Variants in DCTN4 observed in about 807,000 individuals in gnomAD.
The protein encoded by DCTN4 is dynactin 4 (p62).
DCTN4 carries 23 observed loss-of-function variants against 62.7 expected under a neutral mutation model. The observed-to-expected ratio is 0.37, with a 90% CI of 0.26 to 0.52. The LOEUF is 0.52. Ranked by LOEUF, DCTN4 falls within the 20% of genes least tolerant of loss-of-function variation. The pLI, the probability that DCTN4 is intolerant of heterozygous loss-of-function variation, is 0.92. For missense variants in DCTN4, 514 were observed against 580.4 expected (o/e 0.89, Z 1.18); for synonymous variants, 199 against 202.1 (o/e 0.98, Z 0.13).
At chr5:150,736,791 C>T (rs1168228009) in intron 4 of DCTN4, among the ~76,000 whole-genome samples, 1 of 152,064 alleles carries the variant, frequency 6.6e-6, no homozygotes, top group Non-Finnish European at 1.5e-5. Flanking sequence ...TGTAAATGGC[C>T]TAAATGCTCC....
intron 4 of DCTN4, among the ~76,000 whole-genome samples, chr5:150,739,269 G>A: frequency 6.6e-6 from 1 of 151,444 alleles, no homozygotes. Context: ...TACACCAACA[G>A]TGACCAAGCT....
In DCTN4 at chr5:150,718,405, T is replaced by C. The variant is rs548396682; in HGVS notation, c.964-22A>G. 41 of 1,558,800 alleles carry C rather than the reference T, an allele frequency of 2.6e-5. No individual in the cohort carries two copies. The African/African-American group carries it at 5.3e-4, about 20-fold the overall frequency. ...TCTCCTGGTGAATAGGAAACACATC[T>C]CTCAGACATTCGCCACTTTCTTAGC... On this transcript the variant is annotated intron_variant, in intron 10 of 12. Coordinates refer to ENST00000447998, the MANE Select transcript of DCTN4 (RefSeq NM_016221.4).
intron 3 of DCTN4, among the ~76,000 whole-genome samples, chr5:150,750,136 T>A (rs1177779642): frequency 6.6e-6 from 1 of 152,202 alleles, no homozygotes; most frequent in Non-Finnish European, 1.5e-5. Flanking sequence ...ATGTTGTGTA[T>A]CATGATTATG....
At chr5:150,740,894 CAG>C (rs1043542767) in intron 4 of DCTN4, among the ~76,000 whole-genome samples, 3 of 152,082 alleles carry the variant, frequency 2.0e-5, no homozygotes, top group South Asian at 2.1e-4. Context: ...TTTGCGGACT[CAG>C]GGGGAAAGCT....
At chr5:150,742,049 G>A in intron 4 of DCTN4, 65 bp downstream of exon 4, 2 of 1,402,988 alleles carry the variant, frequency 1.4e-6, no homozygotes, top group Non-Finnish European at 2.0e-6. Flanking sequence ...TAAAATGCAA[G>A]ATCTTCAGTC....
At chr5:150,753,740 T>C (rs1288956588) in intron 2 of DCTN4, 83 bp from the exon 3 acceptor site, 1 of 1,401,078 alleles carries the variant, frequency 7.1e-7, no homozygotes, top group Non-Finnish European at 9.6e-7. Context: ...GACAAGTGTC[T>C]CTCAAGAAAA....
rs754641920 is a variant in DCTN4 at position 150,741,164 on chromosome 5, C to CAAAAAAAAAAAA, written c.429+938_429+949dup. ...TGGGTGACAGAGTGAGATCCTGTCT[C>CAAAAAAAAAAAA]AAAAAAAAAAAAAAAAAAAAAGTTC... On this transcript the variant is annotated intron_variant, in intron 4 of 12. Transcript: ENST00000447998. 1.8e-3 allele frequency among the ~76,000 whole-genome samples: 104 copies of CAAAAAAAAAAAA among 58,340 alleles called. 1 individual carries two copies. Among genetic ancestry groups the CAAAAAAAAAAAA allele is most frequent in the Middle Eastern group, 0.019 (2 of 106 alleles). 38.3% of individuals were successfully genotyped at this position (58,340 alleles called of 152,430 possible). A position where few individuals can be genotyped will look rare whatever the true frequency, so the allele number is the denominator to read the frequency against.
intron 3 of DCTN4, among the ~76,000 whole-genome samples, chr5:150,753,179 T>C (rs1176246854): frequency 2.6e-5 from 4 of 152,240 alleles, no homozygotes; most frequent in African/African-American, 9.6e-5. Context: ...CTTTTAGTTT[T>C]ATCCATGATG....
chr5:150,720,809 T>C (rs901985692), intron 9 of DCTN4, among the ~76,000 whole-genome samples: 1 of 152,180 alleles, frequency 6.6e-6, no homozygotes, highest in Non-Finnish European at 1.5e-5. Flanking sequence ...AGCCAGGCAA[T>C]TCTAAAATGA....
At chr5:150,715,072 T>G (rs780640169) in intron 12 of DCTN4, among the ~76,000 whole-genome samples, 19 of 151,938 alleles carry the variant, frequency 1.3e-4, no homozygotes, top group Non-Finnish European at 2.4e-4. Context: ...GACTGAATTC[T>G]CTGATGGTCA....
In DCTN4 at chr5:150,758,844, G is replaced by A. The variant is rs1405862137; in HGVS notation, c.135+15C>T. ...CCCCCCACCCCACATACTCGCTATA[G>A]GGCGACTCTGTTACCTCGTGAGACA... On this transcript the variant is annotated intron_variant, in intron 1 of 12. Transcript: ENST00000447998. 3.1e-6 allele frequency: 5 copies of A among 1,613,290 alleles called. No individual in the cohort carries two copies. In the African/African-American group the frequency reaches 5.3e-5, roughly 17 times the overall value.
At position 150,719,759 on chromosome 5, in the gene DCTN4, G is replaced by T; in HGVS notation, c.920C>A (p.Pro307Gln). 6.2e-7 allele frequency: 1 copy of T among 1,607,124 alleles called. No homozygotes were observed. The highest frequency in any genetic ancestry group is 8.5e-7 in the Non-Finnish European group (1 of 1,174,858). Residue 307 changes from proline to glutamine, a missense_variant, in exon 10 of 13, where the codon CCA (proline) becomes CAA (glutamine). Coordinates refer to ENST00000447998, the MANE Select transcript of DCTN4 (RefSeq NM_016221.4). ...KIQLVAVNYIPEVRIMSIPNL... is the reference protein window; with the variant it reads ...KIQLVAVNYIQEVRIMSIPNL... ...GGGAATTGACATGATTCTCACTTCT[G>T]GAATATAATTGCTGTGCATAAATAA...
chr5:150,733,478 GT>G lies in DCTN4; in HGVS notation c.430-4del. On this transcript the variant is annotated splice_region_variant and splice_polypyrimidine_tract_variant and intron_variant, in intron 4 of 12. Coordinates refer to ENST00000447998, the MANE Select transcript of DCTN4 (RefSeq NM_016221.4). ...TAATATTCAATCAATTTGTTCATCTGTAAGAAAATCACAGACTCAGTACACA... is the reference window on the plus strand; with the variant it reads ...TAATATTCAATCAATTTGTTCATCTGAAGAAAATCACAGACTCAGTACACA... 6.2e-7 allele frequency: 1 copy of G among 1,611,126 alleles called. No individual in the cohort carries two copies. Among genetic ancestry groups the G allele is most frequent in the Non-Finnish European group, 8.5e-7 (1 of 1,177,932 alleles).
At position 150,710,876 on chromosome 5, in the gene DCTN4, T is replaced by A; in HGVS notation, c.*273A>T. ...CCATTCCAAGGAACACCCATCCCCT[T>A]TCCTAGGATGGAATTATGCTGCTGT... On this transcript the variant is annotated 3_prime_UTR_variant, in exon 13 of 13. Coordinates refer to ENST00000447998, the MANE Select transcript of DCTN4 (RefSeq NM_016221.4). The A allele has an allele frequency of 2.2e-6, 1 of 449,372 alleles. No homozygotes were observed. The highest frequency in any genetic ancestry group is 4.1e-6 in the Non-Finnish European group (1 of 243,334). The allele number at this position is 449,372 out of a possible 1,614,324, so 27.8% of individuals were successfully genotyped here. A position where few individuals can be genotyped will look rare whatever the true frequency, so the allele number is the denominator to read the frequency against.
At chr5:150,735,377 G>A (rs1323206658) in intron 4 of DCTN4, among the ~76,000 whole-genome samples, 3 of 152,286 alleles carry the variant, frequency 2.0e-5, no homozygotes, top group East Asian at 1.9e-4. Flanking sequence ...ACTAGCATAC[G>A]AAACCAAACT....
At chr5:150,752,441 C>CTT (rs1486777097) in intron 3 of DCTN4, among the ~76,000 whole-genome samples, 5 of 152,086 alleles carry the variant, frequency 3.3e-5, no homozygotes, top group Admixed American at 2.0e-4. Context: ...AGTTTTTGAG[C>CTT]ACATGTTTGA....
intron 11 of DCTN4, among the ~76,000 whole-genome samples, chr5:150,716,971 TGGAGG>T (rs1167287419): frequency 2.0e-5 from 3 of 151,008 alleles, no homozygotes; most frequent in African/African-American, 7.3e-5. Flanking sequence ...TATCTCTCTT[TGGAGG>T]TGATGCTAGT....
At chr5:150,742,221 AGTCTTCT>A in intron 3 of DCTN4, 64 bp from the exon 4 acceptor site, 6 of 1,498,300 alleles carry the variant, frequency 4.0e-6, no homozygotes, top group Non-Finnish European at 4.6e-6. Flanking sequence ...TCATAAAACA[AGTCTTCT>A]GTAGGCCATA....
chr5:150,754,627 T>C (rs1287681703), intron 2 of DCTN4, among the ~76,000 whole-genome samples: 4 of 152,142 alleles, frequency 2.6e-5, no homozygotes, highest in Non-Finnish European at 4.4e-5. Context: ...TCCAATAAAG[T>C]GAACCAAGGC....
Sources: allele counts gnomAD v4.1 joint callset (sites outside exome capture counted in the v4.1 genomes callset), GRCh38; gene constraint gnomAD v4.1.1; transcripts MANE v1.5; gene names NCBI Gene and HGNC (gene_info 2026-07-23, HGNC 2026-07-21).